SOX5: variants seen among roughly 807,000 people sequenced by gnomAD.
The protein encoded by SOX5 is transcription factor SOX-5.
In SOX5, 9 loss-of-function variants were observed where a neutral mutation model predicts 92.0. The ratio of observed to expected loss-of-function variants is 0.10; its 90% CI spans 0.06 to 0.17. SOX5 has a LOEUF of 0.17. SOX5 is among the 10% of genes least tolerant of loss of function. SOX5 has a pLI of 1.00. For missense variants in SOX5, 642 were observed against 944.5 expected (o/e 0.68, Z 4.20); for synonymous variants, 344 against 336.3 (o/e 1.02, Z -0.25).
At chr12:24,286,462 T>C (rs1945874642) in intron 2 of SOX5, among the ~76,000 whole-genome samples, 2 of 152,304 alleles carry the variant, frequency 1.3e-5, no homozygotes, top group South Asian at 2.1e-4. Flanking sequence ...AATCAGATAT[T>C]TGAAGGGTTG....
intron 2 of SOX5, among the ~76,000 whole-genome samples, chr12:24,339,204 G>A (rs1038490593): frequency 3.1e-5 from 2 of 64,658 alleles, no homozygotes; most frequent in Non-Finnish European, 7.0e-5. Context: ...CACACACACA[G>A]AGTTACTGAG....
At chr12:23,627,584 G>C (rs943112296) in intron 8 of SOX5, among the ~76,000 whole-genome samples, 2 of 151,966 alleles carry the variant, frequency 1.3e-5, no homozygotes, top group Non-Finnish European at 2.9e-5. Context: ...TGAGTATTTC[G>C]TGTGTGCCAT....
rs372697994 is a variant in SOX5 at position 24,517,703 on chromosome 12, G to GGT, written c.-251+44625_-251+44626insAC. Reference sequence around the variant, plus strand: ...TCAAAGAAAACATAATTAATTCCATGTTTTTTTTTTTTTTTTAACAATCCT... The same window carrying GGT: ...TCAAAGAAAACATAATTAATTCCATGGTTTTTTTTTTTTTTTTTAACAATCCT... On this transcript the variant is annotated intron_variant, in intron 1 of 4. Coordinates refer to the SOX5 transcript ENST00000446891. Among the ~76,000 whole-genome samples the GGT allele has an allele frequency of 1.9e-4, 27 of 140,872 alleles. 1 individual carries two copies. The highest frequency in any genetic ancestry group is 3.3e-4 in the African/African-American group (13 of 39,414). The allele number at this position is 140,872 out of a possible 152,430, so 92.4% of individuals were successfully genotyped here. A position where few individuals can be genotyped will look rare whatever the true frequency, so the allele number is the denominator to read the frequency against.
chr12:23,984,736 C>A (rs551142897), intron 4 of SOX5, among the ~76,000 whole-genome samples: 1 of 152,280 alleles, frequency 6.6e-6, no homozygotes, highest in East Asian at 1.9e-4. Flanking sequence ...GTCGGTAAAG[C>A]TCTTACTGTC....
At chr12:24,180,156 T>C (rs907700995) in intron 4 of SOX5, among the ~76,000 whole-genome samples, 2 of 152,036 alleles carry the variant, frequency 1.3e-5, no homozygotes, top group African/African-American at 4.8e-5. Context: ...GGGGTCTTAT[T>C]ATGTTGCCCA....
intron 4 of SOX5, among the ~76,000 whole-genome samples, chr12:24,084,656 G>T (rs1943748602): frequency 6.6e-6 from 1 of 151,978 alleles, no homozygotes; most frequent in East Asian, 1.9e-4. Context: ...CAATAACTTT[G>T]CTCTTGTTAT....
chr12:23,760,431 A>C (rs1169677485), intron 3 of SOX5, among the ~76,000 whole-genome samples: 1 of 152,146 alleles, frequency 6.6e-6, no homozygotes, highest in East Asian at 1.9e-4. Context: ...AATTCAAAAT[A>C]AAATATACCC....
At chr12:24,505,720 C>T (rs914698159) in intron 1 of SOX5, among the ~76,000 whole-genome samples, 8 of 152,172 alleles carry the variant, frequency 5.3e-5, no homozygotes, top group Non-Finnish European at 7.3e-5. Flanking sequence ...GAAACCCATA[C>T]GCACTATGAG....
intron 1 of SOX5, among the ~76,000 whole-genome samples, chr12:24,403,737 A>C (rs1008854804): frequency 2.0e-5 from 3 of 152,204 alleles, no homozygotes; most frequent in Admixed American, 6.5e-5. Flanking sequence ...CTAAATAAAT[A>C]TCATTAGTGC....
chr12:24,289,523 G>A (rs1946361372), intron 2 of SOX5, among the ~76,000 whole-genome samples: 2 of 117,984 alleles, frequency 1.7e-5, no homozygotes, highest in Non-Finnish European at 1.6e-5. Context: ...GCGGGATCTC[G>A]GCTCACTGCA....
chr12:24,176,044 G>A (rs545659005), intron 4 of SOX5, among the ~76,000 whole-genome samples: 10 of 152,050 alleles, frequency 6.6e-5, no homozygotes, highest in East Asian at 1.9e-4. Context: ...AAATCTAAAC[G>A]ATAAGGCTGG....
intron 1 of SOX5, among the ~76,000 whole-genome samples, chr12:24,463,410 A>C (rs1475072767): frequency 6.6e-6 from 1 of 152,156 alleles, no homozygotes; most frequent in South Asian, 2.1e-4. Context: ...CAAATCACAC[A>C]CTATCAAGGA....
chr12:24,377,584 G>A (rs1447273476), intron 1 of SOX5, among the ~76,000 whole-genome samples: 1 of 152,200 alleles, frequency 6.6e-6, no homozygotes, highest in Admixed American at 6.5e-5. Context: ...AGAAAAATGA[G>A]TTGACTTAGG....
At chr12:24,028,074 T>C (rs1166204847) in intron 4 of SOX5, among the ~76,000 whole-genome samples, 2 of 152,036 alleles carry the variant, frequency 1.3e-5, no homozygotes, top group African/African-American at 4.8e-5. Flanking sequence ...CTATGACTTC[T>C]GTGGTTTAGG....
intron 2 of SOX5, among the ~76,000 whole-genome samples, chr12:23,868,426 T>C (rs1252044021): frequency 2.0e-5 from 3 of 152,130 alleles, no homozygotes. Flanking sequence ...CATACCTGAG[T>C]AAGAAAAGTA....
At chr12:24,279,426 T>C (rs1944900128) in intron 2 of SOX5, among the ~76,000 whole-genome samples, 1 of 152,160 alleles carries the variant, frequency 6.6e-6, no homozygotes, top group Non-Finnish European at 1.5e-5. Context: ...TCAGTCATTC[T>C]TTTATCAGAA....
chr12:23,676,553 C>T (rs752670981), intron 6 of SOX5, among the ~76,000 whole-genome samples: 18 of 132,092 alleles, frequency 1.4e-4, no homozygotes, highest in Non-Finnish European at 2.5e-4. Context: ...GCTGTTGCAA[C>T]GAATAAGGCA....
At chr12:24,224,846 T>C (rs1961509429) in intron 3 of SOX5, among the ~76,000 whole-genome samples, 3 of 152,176 alleles carry the variant, frequency 2.0e-5, no homozygotes, top group Admixed American at 2.0e-4. Context: ...CATTGATTTA[T>C]CTCATAACTA....
intron 4 of SOX5, among the ~76,000 whole-genome samples, chr12:23,998,478 A>G (rs924287649): frequency 6.6e-6 from 1 of 152,022 alleles, no homozygotes; most frequent in African/African-American, 2.4e-5. Context: ...ACATATGAAT[A>G]ATGGGAGTCT....
Sources: gnomAD v4.1 joint callset for allele counts (sites outside exome capture counted in the v4.1 genomes callset) on GRCh38, gnomAD v4.1.1 for gene constraint, MANE v1.5 for transcripts, NCBI Gene and HGNC (gene_info 2026-07-23, HGNC 2026-07-21) for gene names.